ANAPC1: variants seen among roughly 807,000 people sequenced by gnomAD.
The protein encoded by ANAPC1 is anaphase-promoting complex subunit 1.
Under a neutral mutation model 208.0 loss-of-function variants are expected in ANAPC1, and 36 were observed. The observed-to-expected ratio is 0.17, with a 90% CI of 0.13 to 0.23. ANAPC1 has a LOEUF of 0.23. Among genes scored for constraint, ANAPC1 ranks in the 10% least tolerant of loss-of-function variants. The pLI is 1.00. For missense variants in ANAPC1, 942 were observed against 2,011.6 expected (o/e 0.47, Z 10.17); for synonymous variants, 378 against 695.2 (o/e 0.54, Z 7.18).
intron 34 of ANAPC1, among the ~76,000 whole-genome samples, chr2:111,799,081 TA>T (rs997705045): frequency 2.1e-4 from 32 of 150,840 alleles, no homozygotes; most frequent in Non-Finnish European, 4.3e-4. Context: ...TAGAATGCAT[TA>T]AAAAAACTCC....
intron 7 of ANAPC1, among the ~76,000 whole-genome samples, chr2:111,867,758 CTTAT>C (rs989475443): frequency 6.6e-6 from 1 of 151,230 alleles, no homozygotes; most frequent in African/African-American, 2.4e-5. Flanking sequence ...CATTCATTTA[CTTAT>C]TAATTATTAA....
rs73956892 is a variant in ANAPC1, at chr2:111,834,507, C to T, written c.2384+97G>A. The T allele has an allele frequency of 5.0e-3, 5,576 of 1,113,038 alleles. 284 individuals carry two copies. The African/African-American group carries it at 0.078, about 16-fold the overall frequency. 68.9% of individuals were successfully genotyped at this position (1,113,038 alleles called of 1,614,324 possible). ...TTTCTGAGAAGGTAGATTTCAGAAA[C>T]TTATTTACAAGGTCCCTATATGATA... On this transcript the variant is annotated intron_variant, in intron 19 of 47. Transcript: ENST00000341068.
intron 17 of ANAPC1, among the ~76,000 whole-genome samples, chr2:111,841,110 G>T (rs143331907): frequency 7.8e-4 from 119 of 152,256 alleles, no homozygotes; most frequent in African/African-American, 2.8e-3. Flanking sequence ...ATTGCAGAGA[G>T]CAATTCCTTC....
At chr2:111,848,839 A>C (rs1681235312) in intron 14 of ANAPC1, among the ~76,000 whole-genome samples, 1 of 152,154 alleles carries the variant, frequency 6.6e-6, no homozygotes, top group Non-Finnish European at 1.5e-5. Flanking sequence ...CCCAGGAAGA[A>C]AGGACAGTAA....
At chr2:111,878,515 T>C (rs1683131524) in intron 3 of ANAPC1, among the ~76,000 whole-genome samples, 1 of 152,192 alleles carries the variant, frequency 6.6e-6, no homozygotes, top group Non-Finnish European at 1.5e-5. Flanking sequence ...TTCTGTACTC[T>C]TCATGTTTTA....
At chr2:111,782,624 T>C in intron 42 of ANAPC1, 117 bp from the exon 43 acceptor site, 3 of 943,718 alleles carry the variant, frequency 3.2e-6, no homozygotes, top group Admixed American at 5.8e-5. Flanking sequence ...TCCACTAAGG[T>C]AAATGATTAT....
intron 18 of ANAPC1, among the ~76,000 whole-genome samples, chr2:111,836,770 C>T (rs964893880): frequency 1.7e-4 from 26 of 151,816 alleles, no homozygotes; most frequent in African/African-American, 6.3e-4. Context: ...GAGTTTGAGA[C>T]CAGACTGACC....
At chr2:111,826,669 T>A (rs34959199) in intron 21 of ANAPC1, among the ~76,000 whole-genome samples, 19,748 of 133,880 alleles carry the variant, frequency 0.15, 1,644 homozygotes, top group Middle Eastern at 0.25. Flanking sequence ...TTATTTATTT[T>A]TTTTTTTTTT....
rs1423897407 is a variant in ANAPC1 at position 111,767,972 on chromosome 2, G to C, written c.*1319C>G. The C allele has an allele frequency of 6.6e-6, 1 of 152,012 alleles. No individual in the cohort carries two copies. The highest frequency in any genetic ancestry group is 2.4e-5 in the African/African-American group (1 of 41,366). 9.4% of individuals were successfully genotyped at this position (152,012 alleles called of 1,614,324 possible). On this transcript the variant is annotated 3_prime_UTR_variant, in exon 48 of 48. Transcript: ENST00000341068. Reference sequence around the variant, plus strand: ...TGCCTTCCAAGTCTACTCTGCAGACGCAAATGTCATGTGGGTTTTTGCCAA... The same window carrying C: ...TGCCTTCCAAGTCTACTCTGCAGACCCAAATGTCATGTGGGTTTTTGCCAA...
At chr2:111,856,582 A>G in intron 13 of ANAPC1, 32 bp downstream of exon 13, 1 of 1,585,234 alleles carries the variant, frequency 6.3e-7, no homozygotes, top group Non-Finnish European at 8.7e-7. Flanking sequence ...CTGAAGTCCT[A>G]CTAAAGGCAT....
intron 16 of ANAPC1, among the ~76,000 whole-genome samples, chr2:111,845,058 A>G (rs1195234463): frequency 6.6e-6 from 1 of 152,286 alleles, no homozygotes; most frequent in East Asian, 1.9e-4. Flanking sequence ...ATGTTGTCCA[A>G]GCTGGTCTCA....
intron 33 of ANAPC1, 103 bp from the exon 34 acceptor site, chr2:111,800,974 CTG>C: frequency 1.7e-6 from 1 of 604,960 alleles, no homozygotes; most frequent in Non-Finnish European, 3.0e-6. Context: ...CAGTTCCCAA[CTG>C]TTGAGAATTT....
At chr2:111,817,248 T>C (rs1356258129) in intron 27 of ANAPC1, among the ~76,000 whole-genome samples, 1 of 142,810 alleles carries the variant, frequency 7.0e-6, no homozygotes, top group East Asian at 2.1e-4. Context: ...CAATTAAATG[T>C]ATTCAGAAAA....
At chr2:111,807,413 G>A (rs1270676687) in intron 29 of ANAPC1, among the ~76,000 whole-genome samples, 13 of 151,496 alleles carry the variant, frequency 8.6e-5, no homozygotes, top group Admixed American at 4.6e-4. Context: ...ATTTTTAGGC[G>A]GGGCACAGTG....
At chr2:111,812,948 C>T (rs1207614472) in intron 28 of ANAPC1, among the ~76,000 whole-genome samples, 3 of 111,596 alleles carry the variant, frequency 2.7e-5, no homozygotes, top group Admixed American at 9.7e-5. Flanking sequence ...GCAGCCCCCA[C>T]GGCCCTGTCC....
intron 18 of ANAPC1, among the ~76,000 whole-genome samples, chr2:111,835,679 A>C (rs2104472553): frequency 6.6e-6 from 1 of 152,108 alleles, no homozygotes; most frequent in African/African-American, 2.4e-5. Context: ...ACTTCTAAAA[A>C]AATACAAAAA....
chr2:111,864,708 C>G, intron 8 of ANAPC1, 98 bp downstream of exon 8: 2 of 1,579,052 alleles, frequency 1.3e-6, no homozygotes, highest in Admixed American at 3.4e-5. Flanking sequence ...AGTGATCCGC[C>G]TGCCTTGGCC....
chr2:111,777,843 T>C (rs1677070588), intron 45 of ANAPC1, among the ~76,000 whole-genome samples: 1 of 152,258 alleles, frequency 6.6e-6, no homozygotes, highest in African/African-American at 2.4e-5. Context: ...ATTTTTATCA[T>C]TAAAGGTTAT....
At chr2:111,816,501 C>T (rs1334108167) in intron 27 of ANAPC1, among the ~76,000 whole-genome samples, 3 of 151,586 alleles carry the variant, frequency 2.0e-5, no homozygotes, top group Non-Finnish European at 2.9e-5. Context: ...TATACTTTTA[C>T]GGTCCATTTA....
Sources: allele counts gnomAD v4.1 joint callset (sites outside exome capture counted in the v4.1 genomes callset), GRCh38; gene constraint gnomAD v4.1.1; transcripts MANE v1.5; gene names NCBI Gene and HGNC (gene_info 2026-07-23, HGNC 2026-07-21).